The following NCK2 variants were observed in gnomAD, a reference collection of about 807,000 sequenced individuals.
NCK2 encodes the protein cytoplasmic protein NCK2.
NCK2 carries 16 observed loss-of-function variants against 33.9 expected under a neutral mutation model. The ratio of observed to expected loss-of-function variants is 0.47; its 90% CI spans 0.32 to 0.72. NCK2 has a LOEUF of 0.72. Ranked by LOEUF, NCK2 falls within the 30% of genes least tolerant of loss-of-function variation. The pLI, the probability that NCK2 is intolerant of heterozygous loss-of-function variation, is 0.03. For synonymous variants in NCK2, 273 were observed against 239.9 expected (o/e 1.14, Z -1.27); for missense variants, 418 against 537.3 (o/e 0.78, Z 2.19).
At chr2:105,848,895 A>G (rs13396833) in intron 2 of NCK2, among the ~76,000 whole-genome samples, 49,344 of 152,204 alleles carry the variant, frequency 0.32, 9,550 homozygotes, top group African/African-American at 0.53. Context: ...AAATCAAGGT[A>G]GGGATGACAG....
intron 2 of NCK2, among the ~76,000 whole-genome samples, chr2:105,834,053 C>T (rs1004558570): frequency 3.9e-5 from 6 of 152,170 alleles, no homozygotes; most frequent in African/African-American, 7.2e-5. Context: ...TCGTTTATGA[C>T]CAAACATACT....
chr2:105,751,275 C>A (rs1372321232), intron 1 of NCK2, among the ~76,000 whole-genome samples: 1 of 152,216 alleles, frequency 6.6e-6, no homozygotes, highest in Non-Finnish European at 1.5e-5. Context: ...TAGTTATCAA[C>A]CCCTATTGAT....
At chr2:105,838,272 T>C (rs1676507398) in intron 2 of NCK2, among the ~76,000 whole-genome samples, 1 of 151,968 alleles carries the variant, frequency 6.6e-6, no homozygotes, top group African/African-American at 2.4e-5. Context: ...TTGATAAAGA[T>C]AAATGCAAAT....
At chr2:105,793,980 TC>T (rs1380993435) in intron 1 of NCK2, among the ~76,000 whole-genome samples, 1 of 152,164 alleles carries the variant, frequency 6.6e-6, no homozygotes, top group Non-Finnish European at 1.5e-5. Flanking sequence ...TTAAACATAA[TC>T]TATTATAAAT....
At chr2:105,804,812 G>A (rs1026486445) in intron 1 of NCK2, among the ~76,000 whole-genome samples, 5 of 152,204 alleles carry the variant, frequency 3.3e-5, no homozygotes, top group Non-Finnish European at 7.3e-5. Flanking sequence ...AAGGCTCCAC[G>A]TTGATATTCA....
chr2:105,744,758 G>T (rs1401555182), upstream of NCK2: 1 of 150,120 alleles, frequency 6.7e-6, no homozygotes, highest in Non-Finnish European at 1.5e-5. Context: ...CGCCCCGCGC[G>T]CCCGGGCCTG....
chr2:105,744,858 G>GGGAGGGTCGCCGCCGCCGCCGCC (rs925560821), upstream of NCK2: 176 of 149,478 alleles, frequency 1.2e-3, no homozygotes, highest in Non-Finnish European at 1.5e-3. Context: ...TGCGCGCCGG[G>GGGAGGGTCGCCGCCGCCGCCGCC]GGAGGGTCGC....
chr2:105,887,239 C>T (rs891940979), intron 4 of NCK2, among the ~76,000 whole-genome samples: 8 of 152,316 alleles, frequency 5.3e-5, no homozygotes, highest in Admixed American at 2.0e-4. Flanking sequence ...CAGTGGATCA[C>T]GATTTGCCTC....
chr2:105,875,155 T>C (rs964262431), intron 3 of NCK2, among the ~76,000 whole-genome samples: 1 of 152,180 alleles, frequency 6.6e-6, no homozygotes, highest in Non-Finnish European at 1.5e-5. Context: ...TTGCTGTCCA[T>C]CTTGGGCAGC....
chr2:105,801,552 A>C (rs1229042772), intron 1 of NCK2, among the ~76,000 whole-genome samples: 4 of 151,746 alleles, frequency 2.6e-5, no homozygotes, highest in Non-Finnish European at 4.4e-5. Context: ...GAGTGAGGAG[A>C]GGGGCCCATG....
intron 2 of NCK2, among the ~76,000 whole-genome samples, chr2:105,839,765 A>G (rs1360754474): frequency 2.0e-5 from 3 of 152,206 alleles, no homozygotes; most frequent in Non-Finnish European, 2.9e-5. Flanking sequence ...CAACAGATGG[A>G]TGACACTCAA....
At chr2:105,758,506 T>A (rs1362666933) in intron 1 of NCK2, among the ~76,000 whole-genome samples, 1 of 146,938 alleles carries the variant, frequency 6.8e-6, no homozygotes, top group East Asian at 2.1e-4. Flanking sequence ...TGTCCCCGGG[T>A]TCAAGCAGTT....
At chr2:105,855,457 G>A in intron 3 of NCK2, 168 bp downstream of exon 3, 3 of 599,032 alleles carry the variant, frequency 5.0e-6, no homozygotes, top group Non-Finnish European at 8.6e-6. Context: ...GATGGAGAAA[G>A]AGGATGTTTT....
intron 2 of NCK2, among the ~76,000 whole-genome samples, chr2:105,847,030 G>A (rs1372223276): frequency 6.6e-6 from 1 of 152,178 alleles, no homozygotes; most frequent in Non-Finnish European, 1.5e-5. Flanking sequence ...GAACCTGGAA[G>A]GCATCATGCT....
rs554451866 is a variant in NCK2, at chr2:105,819,115, G to A, written c.-17+2502G>A. Among the ~76,000 whole-genome samples, 7 of 152,192 alleles carry A rather than the reference G, an allele frequency of 4.6e-5. No individual in the cohort carries two copies. The East Asian group carries it at 7.7e-4, about 17-fold the overall frequency. ...CAGAGCTAGCTCCTGGTCGGCAGTC[G>A]GGGGTTGGCACTCACACTGCATACC... On this transcript the variant is annotated intron_variant, in intron 2 of 4. Transcript: ENST00000233154.
intron 1 of NCK2, among the ~76,000 whole-genome samples, chr2:105,776,962 G>A (rs1690324908): frequency 1.3e-5 from 2 of 151,254 alleles, no homozygotes; most frequent in South Asian, 4.2e-4. Flanking sequence ...TATGGGGAGT[G>A]GCTTCACGAG....
rs1402897476 is a variant in NCK2 at position 105,744,959 on chromosome 2, T to A, written c.-380T>A. 7.0e-6 allele frequency: 1 copy of A among 143,686 alleles called. No homozygotes were observed. The highest frequency in any genetic ancestry group is 1.5e-5 in the Non-Finnish European group (1 of 64,888). 8.9% of individuals were successfully genotyped at this position (143,686 alleles called of 1,614,324 possible). The stretch of plus-strand genomic sequence containing the variant: ...CGGGCGGCGGGCGGAGGGGAGGGCT[T>A]GGCGGCCGGGAGGCTCGCGGCGCCC... On this transcript the variant is annotated 5_prime_UTR_variant, in exon 1 of 5. Coordinates refer to ENST00000233154, the MANE Select transcript of NCK2 (RefSeq NM_003581.5).
chr2:105,786,315 C>G (rs1690679449), intron 1 of NCK2, among the ~76,000 whole-genome samples: 1 of 152,266 alleles, frequency 6.6e-6, no homozygotes, highest in South Asian at 2.1e-4. Context: ...CCAGGCCTGG[C>G]TCTGAGCACG....
chr2:105,774,807 C>T (rs1222797019), intron 1 of NCK2, among the ~76,000 whole-genome samples: 6 of 152,110 alleles, frequency 3.9e-5, no homozygotes, highest in Admixed American at 3.9e-4. Context: ...TACTGGGTAT[C>T]ATCTATAAAG....
Sources: gnomAD v4.1 joint callset for allele counts (sites outside exome capture counted in the v4.1 genomes callset) on GRCh38, gnomAD v4.1.1 for gene constraint, MANE v1.5 for transcripts, NCBI Gene and HGNC (gene_info 2026-07-23, HGNC 2026-07-21) for gene names.